The following SFXN4 variants were observed in gnomAD, a reference collection of about 807,000 sequenced individuals.
The protein encoded by SFXN4 is sideroflexin-4.
Under a neutral mutation model 54.6 loss-of-function variants are expected in SFXN4, and 48 were observed. That is an observed-to-expected ratio of 0.88 (90% CI 0.70 to 1.12). SFXN4 has a LOEUF of 1.12. Among genes scored for constraint, SFXN4 ranks in the 50% most tolerant of loss-of-function variants. SFXN4 has a pLI of 0.00. For synonymous variants in SFXN4, 130 were observed against 145.5 expected (o/e 0.89, Z 0.77); for missense variants, 383 against 409.2 (o/e 0.94, Z 0.55).
rs868365815 is a variant in SFXN4, at chr10:119,155,649, C to T, written c.617-472G>A. ...CTGGCATTACAGGCATGCCCCACCA[C>T]GCCCGGCTAATTTTTGTATTTTTAG... On this transcript the variant is annotated intron_variant, in intron 10 of 13. Transcript: ENST00000355697. 7.2e-5 allele frequency among the ~76,000 whole-genome samples: 11 copies of T among 152,226 alleles called. No homozygotes were observed. The South Asian group carries it at 1.0e-3, about 14-fold the overall frequency.
At chr10:119,142,102 G>T (rs12414175) in intron 13 of SFXN4, among the ~76,000 whole-genome samples, 26,952 of 152,118 alleles carry the variant, frequency 0.18, 2,544 homozygotes, top group Middle Eastern at 0.29. Flanking sequence ...TTGGGGGGCT[G>T]AGGTCAGAGG....
intron 13 of SFXN4, 145 bp from the exon 14 acceptor site, chr10:119,141,464 A>ATT: frequency 6.2e-6 from 2 of 324,146 alleles, no homozygotes; most frequent in African/African-American, 4.7e-5. Context: ...AATGTAACCT[A>ATT]TTTTTTTTTT....
Position 119,164,171 on chromosome 10 carries a change from C to G in SFXN4, c.137G>C (p.Trp46Ser). 6.3e-7 allele frequency: 1 copy of G among 1,594,588 alleles called. No homozygotes were observed. Among genetic ancestry groups the G allele is most frequent in the Admixed American group, 1.7e-5 (1 of 57,512 alleles). The change falls in exon 2 of 14, where the codon TGG becomes TCG. Residue 46 changes from tryptophan to serine, a missense_variant. Physicochemically the swap from Trp to Ser is radical, Grantham distance 177 (BLOSUM62 -3). Coordinates refer to ENST00000355697, the MANE Select transcript of SFXN4 (RefSeq NM_213649.2). ...ATTTGTAGGATCTAATAATTCTGTC[C>G]ATTGAAGAAATCGTCGAATAAAGGA... The part of the protein sequence containing the change: ...RQSFIRRFLQ[W>S]TELLDPTNVF...
At chr10:119,151,347 C>T (rs930829226) in intron 11 of SFXN4, among the ~76,000 whole-genome samples, 9 of 136,148 alleles carry the variant, frequency 6.6e-5, no homozygotes, top group Middle Eastern at 5.4e-3. Context: ...CCAGCCTGGG[C>T]GACAGAGTGA....
At chr10:119,158,163 A>G (rs545763354) in intron 6 of SFXN4, 101 bp from the exon 7 acceptor site, 19 of 1,118,876 alleles carry the variant, frequency 1.7e-5, no homozygotes, top group Non-Finnish European at 2.3e-5. Context: ...TGAGCCCCCA[A>G]GGAGCTGGGG....
In SFXN4 at chr10:119,141,165, G is replaced by A; in HGVS notation, c.*77C>T. 9.2e-7 allele frequency: 1 copy of A among 1,082,934 alleles called. No individual in the cohort carries two copies. Among genetic ancestry groups the A allele is most frequent in the South Asian group, 1.3e-5 (1 of 74,740 alleles). 67.1% of individuals were successfully genotyped at this position (1,082,934 alleles called of 1,614,324 possible). The stretch of plus-strand genomic sequence containing the variant: ...CTCTGGGGTCCCCAGAAGACCTGTG[G>A]CAAAGTTCTCTAAACCGAACCTGGA... On this transcript the variant is annotated 3_prime_UTR_variant, in exon 14 of 14. Coordinates refer to ENST00000355697, the MANE Select transcript of SFXN4 (RefSeq NM_213649.2).
chr10:119,149,243 G>T (rs954258551), intron 11 of SFXN4, among the ~76,000 whole-genome samples: 1 of 152,054 alleles, frequency 6.6e-6, no homozygotes, highest in South Asian at 2.1e-4. Context: ...GCACACCTGC[G>T]CCCGTCCTTC....
rs35982987 is a variant in SFXN4, at chr10:119,158,615, CAAAAA to C, written c.361-558_361-554del. Among the ~76,000 whole-genome samples, 7 of 65,708 alleles carry C rather than the reference CAAAAA, an allele frequency of 1.1e-4. No individual in the cohort carries two copies. The South Asian group carries it at 3.3e-3, about 31-fold the overall frequency. The allele number at this position is 65,708 out of a possible 152,430, so 43.1% of individuals were successfully genotyped here. A position where few individuals can be genotyped will look rare whatever the true frequency, so the allele number is the denominator to read the frequency against. ...TGGGAGACAGAGCAAGACTCCGTCT[CAAAAA>C]AAAAAAAAAAAAAAAAAAAAGAAGT... On this transcript the variant is annotated intron_variant, in intron 6 of 13. Transcript: ENST00000355697.
At chr10:119,146,100 A>G (rs1846782244) in intron 13 of SFXN4, 136 bp downstream of exon 13, 1 of 542,148 alleles carries the variant, frequency 1.8e-6, no homozygotes, top group Non-Finnish European at 3.3e-6. Flanking sequence ...TGCTGGGATT[A>G]CAGGTGTGAG....
In SFXN4 at chr10:119,162,340, C is replaced by G; in HGVS notation, c.252G>C (p.Arg84Ser). 6.2e-7 allele frequency: 1 copy of G among 1,613,922 alleles called. No homozygotes were observed. Among genetic ancestry groups the G allele is most frequent in the Non-Finnish European group, 8.5e-7 (1 of 1,179,862 alleles). ...DVSSPASADQ[R>S]IQEAWKRSLA... ...CCAGACCTGAGCACGTGAAACATAC[C>G]CTTTGGTCCGCCGAGGCAGGGCTGG... Residue 84 changes from arginine to serine, a missense_variant and splice_region_variant, in exon 3 of 14, where the codon AGG (arginine) becomes AGC (serine). Physicochemically the swap from Arg to Ser is moderately radical, Grantham distance 110. Coordinates refer to ENST00000355697, the MANE Select transcript of SFXN4 (RefSeq NM_213649.2).
rs1847671055 is a variant in SFXN4, at chr10:119,164,184, G to A, written c.124C>T (p.Arg42Ter). The A allele has an allele frequency of 6.9e-6, 11 of 1,590,198 alleles. No homozygotes were observed. The highest frequency in any genetic ancestry group is 1.4e-5 in the African/African-American group (1 of 73,696). ...AATAATTCTGTCCATTGAAGAAATC[G>A]TCGAATAAAGGACTTAGGAGGGAGA... is the stretch of plus-strand genomic sequence containing the variant. The part of the protein sequence containing the change: ...WITERQSFIR[R>*]FLQWTELLDP... Residue 42 changes from arginine to a stop codon, truncating the protein, a stop_gained, in exon 2 of 14, where the codon CGA (arginine) becomes TGA (stop). Coordinates refer to ENST00000355697, the MANE Select transcript of SFXN4 (RefSeq NM_213649.2). LOFTEE classifies it high-confidence loss of function.
intron 13 of SFXN4, among the ~76,000 whole-genome samples, chr10:119,143,527 T>A (rs1359147898): frequency 6.6e-6 from 1 of 152,016 alleles, no homozygotes; most frequent in Non-Finnish European, 1.5e-5. Context: ...TTTTAAACAA[T>A]TTTTTTCAGA....
At chr10:119,142,174 T>C (rs571261186) in intron 13 of SFXN4, among the ~76,000 whole-genome samples, 2 of 152,220 alleles carry the variant, frequency 1.3e-5, no homozygotes, top group Non-Finnish European at 2.9e-5. Context: ...CCCTCCAGCC[T>C]GGGCAACAGA....
At chr10:119,159,614 T>A in intron 6 of SFXN4, 114 bp downstream of exon 6, 3 of 1,092,900 alleles carry the variant, frequency 2.7e-6, no homozygotes, top group South Asian at 2.5e-5. Flanking sequence ...CAACCATCTA[T>A]CAGGCAGTCA....
intron 2 of SFXN4, 86 bp downstream of exon 2, chr10:119,164,045 A>C: frequency 1.6e-6 from 1 of 611,748 alleles, no homozygotes; most frequent in Non-Finnish European, 2.5e-6. Flanking sequence ...CGTCTCAAAA[A>C]AAAAAAAAAA....
rs1270741271 is a variant in SFXN4 at position 119,164,157 on chromosome 10, C to T, written c.151G>A (p.Asp51Asn). 3.1e-6 allele frequency: 5 copies of T among 1,589,168 alleles called. 1 individual carries two copies. In the South Asian group the frequency reaches 5.7e-5, roughly 18 times the overall value. Residue 51 changes from aspartate (D) to asparagine (N), a missense_variant, in exon 2 of 14, where the codon GAT becomes AAT. Coordinates refer to ENST00000355697, the MANE Select transcript of SFXN4 (RefSeq NM_213649.2). ...ACTGAAATGAACACATTTGTAGGAT[C>T]TAATAATTCTGTCCATTGAAGAAAT... Reference protein sequence around the residue: ...RRFLQWTELLDPTNVFISVES... With the variant: ...RRFLQWTELLNPTNVFISVES...
intron 2 of SFXN4, among the ~76,000 whole-genome samples, chr10:119,163,848 T>C (rs1302552777): frequency 6.6e-6 from 1 of 151,572 alleles, no homozygotes; most frequent in African/African-American, 2.4e-5. Context: ...AAGACCAGCC[T>C]GACCAACATG....
rs1161616498 is a variant in SFXN4, at chr10:119,165,413, G to C, written c.111+124C>G. The C allele has an allele frequency of 3.0e-6, 4 of 1,336,528 alleles. No individual in the cohort carries two copies. The African/African-American group carries it at 6.2e-5, about 21-fold the overall frequency. The allele number at this position is 1,336,528 out of a possible 1,614,324, so 82.8% of individuals were successfully genotyped here. ...TGGTGCGCGTTCCCGGCACAACTCC[G>C]AGAGGAGGAAACGGAGACAGGGGGC... On this transcript the variant is annotated intron_variant, in intron 1 of 13. Coordinates refer to ENST00000355697, the MANE Select transcript of SFXN4 (RefSeq NM_213649.2).
At chr10:119,143,418 C>T (rs751164932) in intron 13 of SFXN4, among the ~76,000 whole-genome samples, 3 of 151,954 alleles carry the variant, frequency 2.0e-5, no homozygotes, top group Non-Finnish European at 2.9e-5. Context: ...CCATTGTAGC[C>T]TTGACCTCCC....
Sources: gnomAD v4.1 joint callset for allele counts (sites outside exome capture counted in the v4.1 genomes callset) on GRCh38, gnomAD v4.1.1 for gene constraint, MANE v1.5 for transcripts, NCBI Gene and HGNC (gene_info 2026-07-23, HGNC 2026-07-21) for gene names.